Variants in LRRC4C observed in about 807,000 individuals in gnomAD.
The protein encoded by LRRC4C is leucine-rich repeat-containing protein 4C.
A neutral mutation model predicts 33.6 loss-of-function variants in LRRC4C; 5 were observed. The ratio of observed to expected loss-of-function variants is 0.15; its 90% confidence interval spans 0.08 to 0.31. The LOEUF (loss-of-function observed/expected upper bound fraction) is 0.31, where lower values mean the gene tolerates loss of function less well. Ranked by LOEUF, LRRC4C falls within the 10% of genes least tolerant of loss-of-function variation. The pLI, the probability that LRRC4C is intolerant of heterozygous loss-of-function variation, is 1.00. For synonymous variants in LRRC4C, 329 were observed against 302.0 expected, an observed-to-expected ratio of 1.09 and a Z score of -0.93; for missense variants, 560 against 796.7, an observed-to-expected ratio of 0.70 and a Z score of 3.58.
intron 4 of LRRC4C, among the ~76,000 whole-genome samples, chr11:40,319,028 T>C (rs1417025814): frequency 6.6e-6 from 1 of 152,202 alleles, no homozygotes; most frequent in Non-Finnish European, 1.5e-5. Context: ...AAGAAAATCC[T>C]GATGCAACCT....
chr11:41,377,414 AAG>A (rs1952976926), intron 1 of LRRC4C, among the ~76,000 whole-genome samples: 1 of 152,200 alleles, frequency 6.6e-6, no homozygotes, highest in Admixed American at 6.6e-5. Flanking sequence ...GGCTAGAGAG[AAG>A]ACACAATACT....
intron 1 of LRRC4C, among the ~76,000 whole-genome samples, chr11:41,201,715 T>C (rs1320460539): frequency 6.6e-6 from 1 of 152,206 alleles, no homozygotes; most frequent in Non-Finnish European, 1.5e-5. Context: ...GTGATAAACA[T>C]CTCAGAAGAT....
chr11:41,304,797 C>T (rs1182003677), intron 1 of LRRC4C, among the ~76,000 whole-genome samples: 1 of 106,672 alleles, frequency 9.4e-6, no homozygotes, highest in Non-Finnish European at 1.9e-5. Context: ...CCCGGCCAGC[C>T]GCCCCATCCG....
intron 5 of LRRC4C, among the ~76,000 whole-genome samples, chr11:40,169,544 G>A (rs961242375): frequency 1.3e-5 from 2 of 152,050 alleles, no homozygotes; most frequent in African/African-American, 4.8e-5. Flanking sequence ...ATATAAATAT[G>A]AGTATAGTAC....
rs561793581 is a variant in LRRC4C at position 40,954,376 on chromosome 11, T to A, written c.-495-20653A>T. 7.2e-5 allele frequency among the ~76,000 whole-genome samples: 11 copies of A among 152,022 alleles called. No homozygotes were observed. The South Asian group carries it at 1.9e-3, about 26-fold the overall frequency. On this transcript the variant is annotated intron_variant, in intron 1 of 6. Transcript: ENST00000528697. ...AAATAAAAGACTTGGAAATTCATAA[T>A]GATTTTTGTTTCTATAATATTTTGG... is the stretch of plus-strand genomic sequence containing the variant.
chr11:41,057,373 C>A (rs569970649), intron 1 of LRRC4C, among the ~76,000 whole-genome samples: 12 of 152,320 alleles, frequency 7.9e-5, no homozygotes, highest in Admixed American at 5.2e-4. Flanking sequence ...GAGAGCAGCT[C>A]TGCACTGGCC....
chr11:41,186,107 C>T (rs182001901), intron 1 of LRRC4C, among the ~76,000 whole-genome samples: 1 of 151,926 alleles, frequency 6.6e-6, no homozygotes, highest in East Asian at 1.9e-4. Context: ...AAATTTTGTA[C>T]TGATTAAGGA....
At position 41,290,152 on chromosome 11, in the gene LRRC4C, A is replaced by G. The variant is rs1043011117; in HGVS notation, c.-496+169279T>C. Among the ~76,000 whole-genome samples, 5 of 152,248 alleles carry G rather than the reference A, an allele frequency of 3.3e-5. No individual in the cohort carries two copies. In the East Asian group the frequency reaches 9.6e-4, roughly 29 times the overall value. ...AGACAATGGACCACATACCAAAAAC[A>G]TCAGTAAATAAGAGTGAAAGATTTC... On this transcript the variant is annotated intron_variant, in intron 1 of 6. Transcript: ENST00000528697.
At chr11:40,860,777 CTTTTTTTTTTTTTTTTTTTTTT>C (rs60307580) in intron 2 of LRRC4C, among the ~76,000 whole-genome samples, 43 of 43,272 alleles carry the variant, frequency 9.9e-4, no homozygotes, top group African/African-American at 3.8e-3. Context: ...GGCTTAGGAT[CTTTTTTTTTTTTTTTTTTTTTT>C]TTTTTTTTTT....
chr11:41,289,609 A>T (rs1474417080), intron 1 of LRRC4C, among the ~76,000 whole-genome samples: 1 of 152,182 alleles, frequency 6.6e-6, no homozygotes, highest in East Asian at 1.9e-4. Flanking sequence ...CACAGTGAGA[A>T]GCAGGCCATC....
Position 41,015,806 on chromosome 11 carries a change from A to G in LRRC4C, c.-495-82083T>C, listed in dbSNP as rs115494307. ...GAAACTTTCTTGTTTGCAACAGCAT[A>G]CATGGACCTGGAGTATCTCTCCTTT... On this transcript the variant is annotated intron_variant, in intron 1 of 6. Coordinates refer to ENST00000528697, the MANE Select transcript of LRRC4C (RefSeq NM_001258419.2). 4.8e-3 allele frequency among the ~76,000 whole-genome samples: 736 copies of G among 152,300 alleles called. 6 individuals carry two copies. Among genetic ancestry groups the G allele is most frequent in the African/African-American group, 0.017 (705 of 41,574 alleles).
In LRRC4C at chr11:41,194,867, A is replaced by C. The variant is rs182244127; in HGVS notation, c.-495-261144T>G. 3.4e-3 allele frequency among the ~76,000 whole-genome samples: 517 copies of C among 152,230 alleles called. 3 individuals carry two copies. The highest frequency in any genetic ancestry group is 0.012 in the African/African-American group (487 of 41,566). ...ATTGTTATATAACAATAGATAAATA[A>C]TACCAGATATGGAATATGTACTTGC... On this transcript the variant is annotated intron_variant, in intron 1 of 6. Coordinates refer to ENST00000528697, the MANE Select transcript of LRRC4C (RefSeq NM_001258419.2).
intron 3 of LRRC4C, among the ~76,000 whole-genome samples, chr11:40,504,841 A>G (rs1233934674): frequency 6.6e-5 from 10 of 152,138 alleles, no homozygotes; most frequent in African/African-American, 2.4e-4. Context: ...AAGATTCGGG[A>G]ATTTTCTGGC....
At chr11:40,136,185 G>A (rs1856958233) in intron 6 of LRRC4C, among the ~76,000 whole-genome samples, 1 of 151,652 alleles carries the variant, frequency 6.6e-6, no homozygotes, top group African/African-American at 2.4e-5. Flanking sequence ...TAAACTGTAT[G>A]GCTTGCAAAG....
chr11:40,175,412 T>G (rs1860393643), intron 5 of LRRC4C, among the ~76,000 whole-genome samples: 1 of 152,204 alleles, frequency 6.6e-6, no homozygotes, highest in African/African-American at 2.4e-5. Context: ...CTCCGCTTAG[T>G]CAACAGCTGA....
chr11:40,426,911 T>C (rs895407612), intron 3 of LRRC4C, among the ~76,000 whole-genome samples: 1 of 152,190 alleles, frequency 6.6e-6, no homozygotes, highest in African/African-American at 2.4e-5. Context: ...GATTCTCTTT[T>C]TTCTGGTCAA....
rs183652963 is a variant in LRRC4C, at chr11:41,211,185, T to C, written c.-496+248246A>G. On this transcript the variant is annotated intron_variant, in intron 1 of 6. Transcript: ENST00000528697. Reference sequence around the variant, plus strand: ...ATTTAGAAAAGACTGGAGATGGTATTCTAATAAGAGGAGTTATAAAATTTT... The same window carrying C: ...ATTTAGAAAAGACTGGAGATGGTATCCTAATAAGAGGAGTTATAAAATTTT... Among the ~76,000 whole-genome samples the C allele has an allele frequency of 1.4e-4, 21 of 152,258 alleles. 1 individual carries two copies. The highest frequency in any genetic ancestry group is 4.8e-4 in the African/African-American group (20 of 41,554).
At chr11:40,324,772 T>G (rs1055635441) in intron 3 of LRRC4C, among the ~76,000 whole-genome samples, 3 of 152,200 alleles carry the variant, frequency 2.0e-5, no homozygotes, top group Non-Finnish European at 4.4e-5. Context: ...AACAGGGTGA[T>G]GTGATAAGGA....
intron 1 of LRRC4C, among the ~76,000 whole-genome samples, chr11:41,322,275 G>A (rs901690024): frequency 6.6e-6 from 1 of 151,948 alleles, no homozygotes; most frequent in Non-Finnish European, 1.5e-5. Context: ...TTTTTGGCAT[G>A]TATAATTGTT....
Sources: gnomAD v4.1 joint callset for allele counts (sites outside exome capture counted in the v4.1 genomes callset) on GRCh38, gnomAD v4.1.1 for gene constraint, MANE v1.5 for transcripts, NCBI Gene and HGNC (gene_info 2026-07-23, HGNC 2026-07-21) for gene names.